Variants in TTC28 observed in about 807,000 individuals in gnomAD.
TTC28 encodes the protein tetratricopeptide repeat protein 28.
Under a neutral mutation model 198.0 loss-of-function variants are expected in TTC28, and 61 were observed. The observed-to-expected ratio is 0.31, with a 90% CI of 0.25 to 0.38. TTC28 has a LOEUF of 0.38. Among genes scored for constraint, TTC28 ranks in the 10% least tolerant of loss-of-function variants. The pLI, the probability that TTC28 is intolerant of heterozygous loss-of-function variation, is 1.00. For synonymous variants in TTC28, 1,171 were observed against 1,297.8 expected (o/e 0.90, Z 2.10); for missense variants, 2,678 against 3,164.0 (o/e 0.85, Z 3.69).
intron 13 of TTC28, among the ~76,000 whole-genome samples, chr22:28,021,941 C>A (rs1938622683): frequency 1.3e-5 from 2 of 152,350 alleles, no homozygotes; most frequent in South Asian, 4.1e-4. Context: ...GCCAGGTGGG[C>A]CCCCGCCATC....
chr22:28,103,496 C>T (rs117250035), intron 8 of TTC28, among the ~76,000 whole-genome samples: 2,182 of 152,190 alleles, frequency 0.014, 31 homozygotes, highest in Non-Finnish European at 0.019. Flanking sequence ...AGGGTGGTTT[C>T]CAGATAAACT....
chr22:28,396,240 G>A (rs531899500), intron 2 of TTC28, among the ~76,000 whole-genome samples: 22 of 152,322 alleles, frequency 1.4e-4, no homozygotes, highest in Non-Finnish European at 2.5e-4. Flanking sequence ...GGAACTGGCA[G>A]AAGAGATTGC....
intron 2 of TTC28, among the ~76,000 whole-genome samples, chr22:28,398,772 A>AC (rs2046855476): frequency 6.6e-6 from 1 of 152,012 alleles, no homozygotes; most frequent in African/African-American, 2.4e-5. Context: ...TTTGGAACCT[A>AC]CCCCCCAAAT....
chr22:28,093,753 AAAT>A (rs1941886957), intron 12 of TTC28, among the ~76,000 whole-genome samples: 1 of 152,174 alleles, frequency 6.6e-6, no homozygotes, highest in Non-Finnish European at 1.5e-5. Context: ...TTATAACAAA[AAAT>A]AATCTCAGTT....
intron 2 of TTC28, among the ~76,000 whole-genome samples, chr22:28,597,003 A>G (rs1382480119): frequency 2.0e-5 from 3 of 152,184 alleles, no homozygotes. Flanking sequence ...ACCTGGGAGG[A>G]TATAGGTACC....
intron 4 of TTC28, 86 bp from the exon 5 acceptor site, chr22:28,296,414 G>A: frequency 8.6e-7 from 1 of 1,157,838 alleles, no homozygotes; most frequent in South Asian, 2.8e-5. Flanking sequence ...CTTAATTTAA[G>A]AGCCACAGAT....
chr22:28,537,296 A>ATAACATAACATAAC (rs1569008965), intron 2 of TTC28, among the ~76,000 whole-genome samples: 2 of 94,642 alleles, frequency 2.1e-5, no homozygotes, highest in African/African-American at 4.0e-5. Context: ...CCGTCTCAAA[A>ATAACATAACATAAC]ATAAAATAAA....
chr22:28,035,168 CA>C (rs1284064576), intron 12 of TTC28, among the ~76,000 whole-genome samples: 1 of 152,190 alleles, frequency 6.6e-6, no homozygotes, highest in Non-Finnish European at 1.5e-5. Flanking sequence ...TTTACTAACT[CA>C]CTGTGTCTCC....
chr22:28,556,029 G>A (rs2049780221), intron 2 of TTC28, among the ~76,000 whole-genome samples: 1 of 151,630 alleles, frequency 6.6e-6, no homozygotes, highest in Non-Finnish European at 1.5e-5. Context: ...AAGGGTTCAT[G>A]GAAAACTCAG....
At chr22:28,262,153 C>A (rs1029801780) in intron 5 of TTC28, among the ~76,000 whole-genome samples, 5 of 152,046 alleles carry the variant, frequency 3.3e-5, no homozygotes, top group African/African-American at 1.2e-4. Context: ...TACCTGGAAG[C>A]AAAGTTGGGC....
At chr22:28,505,240 G>C (rs553610638) in intron 2 of TTC28, among the ~76,000 whole-genome samples, 1 of 129,712 alleles carries the variant, frequency 7.7e-6, no homozygotes, top group Non-Finnish European at 1.5e-5. Flanking sequence ...CTGGGCAACA[G>C]AGCGAGACTC....
At chr22:28,274,833 G>C (rs968604535) in intron 5 of TTC28, among the ~76,000 whole-genome samples, 1 of 151,962 alleles carries the variant, frequency 6.6e-6, no homozygotes, top group Non-Finnish European at 1.5e-5. Flanking sequence ...TACAAAATTT[G>C]CCAGATGTGG....
In TTC28 at chr22:28,579,543, T is replaced by C. The variant is rs370363411; in HGVS notation, c.381+50009A>G. Among the ~76,000 whole-genome samples the C allele has an allele frequency of 7.4e-5, 11 of 149,440 alleles. No homozygotes were observed. The East Asian group carries it at 1.8e-3, about 24-fold the overall frequency. On this transcript the variant is annotated intron_variant, in intron 2 of 22. Coordinates refer to ENST00000397906, the MANE Select transcript of TTC28 (RefSeq NM_001145418.2). Reference sequence around the variant, plus strand: ...TAGTTATATATAACTATATATTCATTTATCAATATATAGTCACATATACAA... The same window carrying C: ...TAGTTATATATAACTATATATTCATCTATCAATATATAGTCACATATACAA...
At chr22:28,214,354 A>G (rs1034409014) in intron 5 of TTC28, among the ~76,000 whole-genome samples, 1 of 152,224 alleles carries the variant, frequency 6.6e-6, no homozygotes, top group Admixed American at 6.5e-5. Flanking sequence ...AACCTACAGA[A>G]AGGGAGAAAA....
intron 2 of TTC28, among the ~76,000 whole-genome samples, chr22:28,467,077 G>T (rs2048032351): frequency 6.6e-6 from 1 of 152,224 alleles, no homozygotes; most frequent in Middle Eastern, 3.4e-3. Context: ...ACTAATAACT[G>T]GAATTCTTGA....
At chr22:28,237,600 T>A (rs1929345381) in intron 5 of TTC28, among the ~76,000 whole-genome samples, 1 of 152,206 alleles carries the variant, frequency 6.6e-6, no homozygotes, top group Non-Finnish European at 1.5e-5. Flanking sequence ...CACAATATAC[T>A]GTTATCACTG....
intron 2 of TTC28, among the ~76,000 whole-genome samples, chr22:28,586,092 A>AAC (rs1358974031): frequency 1.3e-5 from 2 of 152,070 alleles, no homozygotes; most frequent in African/African-American, 2.4e-5. Flanking sequence ...CATCCTGGCT[A>AAC]ACATGGTGAA....
intron 5 of TTC28, among the ~76,000 whole-genome samples, chr22:28,215,752 C>T (rs1229517515): frequency 6.6e-6 from 1 of 152,020 alleles, no homozygotes; most frequent in African/African-American, 2.4e-5. Context: ...AAACCATCTT[C>T]CTTACTGATC....
At chr22:28,082,734 C>T (rs529126844) in intron 12 of TTC28, among the ~76,000 whole-genome samples, 12 of 152,230 alleles carry the variant, frequency 7.9e-5, no homozygotes, top group Admixed American at 2.6e-4. Flanking sequence ...TGTCTGATTT[C>T]GGCATCATGG....
Sources: allele counts gnomAD v4.1 joint callset (sites outside exome capture counted in the v4.1 genomes callset), GRCh38; gene constraint gnomAD v4.1.1; transcripts MANE v1.5; gene names NCBI Gene and HGNC (gene_info 2026-07-23, HGNC 2026-07-21).